The following ARHGEF17 variants were observed in gnomAD, a reference collection of about 807,000 sequenced individuals.
ARHGEF17 encodes 164 kDa Rho-specific guanine-nucleotide exchange factor.
ARHGEF17 carries 80 observed loss-of-function variants against 174.0 expected under a neutral mutation model. That is an observed-to-expected ratio of 0.46 (90% confidence interval 0.38 to 0.55). ARHGEF17 has a LOEUF of 0.55. ARHGEF17 is among the 20% of genes least tolerant of loss of function. The pLI is 0.00. For synonymous variants in ARHGEF17, 1,311 were observed against 1,189.1 expected (o/e 1.10, Z -2.11); for missense variants, 2,886 against 2,839.7 (o/e 1.02, Z -0.37).
chr11:73,343,092 C>T (rs1865399919), intron 1 of ARHGEF17: 2 of 314,434 alleles, frequency 6.4e-6, no homozygotes, highest in South Asian at 1.4e-4. Flanking sequence ...GACCCCCGCC[C>T]CCCGCCCCGC....
At chr11:73,341,617 T>C (rs1565198881) in intron 1 of ARHGEF17, among the ~76,000 whole-genome samples, 1 of 152,096 alleles carries the variant, frequency 6.6e-6, no homozygotes, top group African/African-American at 2.4e-5. Flanking sequence ...CGCCCGAAAC[T>C]GGTCTTAAAG....
At position 73,337,407 on chromosome 11, in the gene ARHGEF17, A is replaced by G. The variant is rs12806502; in HGVS notation, c.3193-9476A>G. Reference sequence around the variant, plus strand: ...TGACAGAGTGAGACCCTGTCTCAAGAAAAAAAAAAAAAAAAAAGCATGTGA... The same window carrying G: ...TGACAGAGTGAGACCCTGTCTCAAGGAAAAAAAAAAAAAAAAAGCATGTGA... On this transcript the variant is annotated intron_variant, in intron 1 of 20. Coordinates refer to ENST00000263674, the MANE Select transcript of ARHGEF17 (RefSeq NM_014786.4). Among the ~76,000 whole-genome samples the G allele has an allele frequency of 7.3e-3, 972 of 132,516 alleles. 7 individuals are homozygous for G. Among genetic ancestry groups the G allele is most frequent in the Non-Finnish European group, 0.012 (764 of 62,636 alleles). 86.9% of individuals were successfully genotyped at this position (132,516 alleles called of 152,430 possible). A position where few individuals can be genotyped will look rare whatever the true frequency, so the allele number is the denominator to read the frequency against.
intron 1 of ARHGEF17, among the ~76,000 whole-genome samples, chr11:73,325,154 CAAA>C (rs1356551018): frequency 1.3e-5 from 2 of 151,972 alleles, no homozygotes; most frequent in South Asian, 4.1e-4. Flanking sequence ...CAAATGGAGA[CAAA>C]AAAACCTTCC....
At chr11:73,316,290 T>A in intron 1 of ARHGEF17, among the ~76,000 whole-genome samples, 1 of 152,174 alleles carries the variant, frequency 6.6e-6, no homozygotes, top group East Asian at 1.9e-4. Flanking sequence ...ATTAAACAAA[T>A]ACTGTCTGAG....
intron 1 of ARHGEF17, among the ~76,000 whole-genome samples, chr11:73,342,061 T>A (rs907906390): frequency 5.3e-5 from 8 of 152,002 alleles, no homozygotes; most frequent in Admixed American, 5.2e-4. Flanking sequence ...GTTATGAGGA[T>A]CCTGCTTGGA....
At chr11:73,360,651 C>T in intron 11 of ARHGEF17, 118 bp downstream of exon 11, 2 of 1,092,674 alleles carry the variant, frequency 1.8e-6, no homozygotes, top group Non-Finnish European at 2.7e-6. Context: ...TGCTCCGGCT[C>T]CACCTGGTGG....
At chr11:73,356,523 T>A in intron 6 of ARHGEF17, 172 bp downstream of exon 6, 1 of 1,114,580 alleles carries the variant, frequency 9.0e-7, no homozygotes, top group South Asian at 1.5e-5. Context: ...TCCACCTGTC[T>A]GTTCTTCCAC....
In ARHGEF17 at chr11:73,308,854, G is replaced by T; in HGVS notation, c.216G>T (p.Pro72=). 1.5e-6 allele frequency: 2 copies of T among 1,338,030 alleles called. No individual in the cohort carries two copies. Among genetic ancestry groups the T allele is most frequent in the Non-Finnish European group, 1.9e-6 (2 of 1,051,234 alleles). 82.9% of individuals were successfully genotyped at this position (1,338,030 alleles called of 1,614,324 possible). Residue 72 remains proline, a synonymous_variant, in exon 1 of 21, where the codon CCG becomes CCT. Coordinates refer to ENST00000263674, the MANE Select transcript of ARHGEF17 (RefSeq NM_014786.4). ...GGCCCCTGGCCGCCCCCGCGCAGCC[G>T]CGCCCGCTCCGCAGCCTCTCGCCGT... ...ASGPLAAPAQ[P]RPLRSLSPSV...
chr11:73,366,051 A>G, intron 20 of ARHGEF17, 104 bp downstream of exon 20: 1 of 1,431,500 alleles, frequency 7.0e-7, no homozygotes, highest in Non-Finnish European at 9.4e-7. Context: ...AAAGTGTCAC[A>G]TAGAGCTGGA....
chr11:73,356,916 AAG>A (rs1308818014), intron 7 of ARHGEF17, 107 bp from the exon 8 acceptor site: 11 of 1,484,622 alleles, frequency 7.4e-6, no homozygotes, highest in African/African-American at 1.4e-5. Context: ...GAAGCTGGGG[AAG>A]AGCCCTCACT....
intron 20 of ARHGEF17, 115 bp from the exon 21 acceptor site, chr11:73,367,469 T>C (rs1285035336): frequency 6.3e-5 from 55 of 875,894 alleles, no homozygotes; most frequent in Non-Finnish European, 9.1e-5. Context: ...GATTCCCCCA[T>C]AGGAAGTGTG....
chr11:73,364,260 A>T lies in ARHGEF17; in HGVS notation c.5401+21A>T. On this transcript the variant is annotated intron_variant, in intron 17 of 20. Coordinates refer to ENST00000263674, the MANE Select transcript of ARHGEF17 (RefSeq NM_014786.4). ...AGCAGGTGAGTATCTGCCCTCCCCC[A>T]CACCCTGCCCCTGTCCCCTTACTGG... 5 of 1,613,526 alleles carry T rather than the reference A, an allele frequency of 3.1e-6. No individual in the cohort carries two copies. In the South Asian group the frequency reaches 4.4e-5, roughly 14 times the overall value.
chr11:73,326,764 G>A (rs1191465356), intron 1 of ARHGEF17, among the ~76,000 whole-genome samples: 1 of 152,104 alleles, frequency 6.6e-6, no homozygotes, highest in Non-Finnish European at 1.5e-5. Flanking sequence ...AAAAATAGTG[G>A]AACCTTTTCT....
At chr11:73,358,124 A>G (rs1219776931) in intron 9 of ARHGEF17, among the ~76,000 whole-genome samples, 2 of 152,260 alleles carry the variant, frequency 1.3e-5, no homozygotes, top group African/African-American at 4.8e-5. Context: ...GTCATATGGA[A>G]GAAAACATGG....
At chr11:73,349,629 A>G (rs1865520622) in intron 2 of ARHGEF17, among the ~76,000 whole-genome samples, 1 of 152,064 alleles carries the variant, frequency 6.6e-6, no homozygotes, top group South Asian at 2.1e-4. Context: ...AAACAAAACA[A>G]AACAAAAAAA....
chr11:73,355,729 G>C, intron 4 of ARHGEF17, 80 bp downstream of exon 4: 1 of 1,556,178 alleles, frequency 6.4e-7, no homozygotes, highest in Non-Finnish European at 8.9e-7. Flanking sequence ...TCCCAGCGTG[G>C]GTACCATAGT....
At position 73,362,034 on chromosome 11, in the gene ARHGEF17, C is replaced by T. The variant is rs1305093597; in HGVS notation, c.4495-6C>T. ...ACCTTCTCCTGTCCATTGGCGCCTC[C>T]TGCAGTTCTCCTGTGCGGCTCCCAC... On this transcript the variant is annotated splice_region_variant and splice_polypyrimidine_tract_variant and intron_variant, in intron 12 of 20. Coordinates refer to ENST00000263674, the MANE Select transcript of ARHGEF17 (RefSeq NM_014786.4). 6 of 1,610,146 alleles carry T rather than the reference C, an allele frequency of 3.7e-6. No homozygotes were observed. The East Asian group carries it at 6.7e-5, about 18-fold the overall frequency.
rs1444753324 is a variant in ARHGEF17, at chr11:73,311,685, C to G, written c.3047C>G (p.Ser1016Cys). The G allele has an allele frequency of 1.2e-6, 2 of 1,613,428 alleles. No individual in the cohort carries two copies. The highest frequency in any genetic ancestry group is 3.3e-5 in the Admixed American group (2 of 60,026). ...VTKQYMLNLH[S>C]GEVPAPVPVD... The stretch of plus-strand genomic sequence containing the variant: ...AAGCAGTACATGCTGAACCTGCACT[C>G]CGGTGAGGTCCCTGCCCCAGTGCCA... The change falls in exon 1 of 21, where the codon TCC (serine) becomes TGC (cysteine). Residue 1016 changes from serine (S) to cysteine (C), a missense_variant. By Grantham distance (112) the Ser-to-Cys change is moderately radical. This residue lies in a region of ARHGEF17 where 1,728 missense variants were observed against 1,461.2 expected (regional missense o/e 1.18). Coordinates refer to ENST00000263674, the MANE Select transcript of ARHGEF17 (RefSeq NM_014786.4).
chr11:73,308,766 C>A lies in ARHGEF17; in HGVS notation c.128C>A (p.Ser43Ter). Residue 43 changes from serine (S) to a stop codon, truncating the protein, a stop_gained, in exon 1 of 21, where the codon TCG (serine) becomes TAG (stop). Transcript: ENST00000263674. LOFTEE classifies it high-confidence loss of function. Reference protein sequence around the residue: ...TDTPGLRRRASCRPTTAARGQ... With the variant: ...TDTPGLRRRA Reference sequence around the variant, plus strand: ...ACCCCCGGCTTGAGGCGACGCGCCTCGTGCCGGCCGACCACGGCTGCCCGG... The same window carrying A: ...ACCCCCGGCTTGAGGCGACGCGCCTAGTGCCGGCCGACCACGGCTGCCCGG... The A allele has an allele frequency of 1.4e-6, 2 of 1,450,988 alleles. No homozygotes were observed. The highest frequency in any genetic ancestry group is 1.4e-5 in the South Asian group (1 of 72,956). 89.9% of individuals were successfully genotyped at this position (1,450,988 alleles called of 1,614,324 possible). A position where few individuals can be genotyped will look rare whatever the true frequency, so the allele number is the denominator to read the frequency against.
Sources: gnomAD v4.1 joint callset for allele counts (sites outside exome capture counted in the v4.1 genomes callset) on GRCh38, gnomAD v4.1.1 for gene constraint, gnomAD v4.1.1 regional missense constraint, MANE v1.5 for transcripts, NCBI Gene and HGNC (gene_info 2026-07-23, HGNC 2026-07-21) for gene names.